The following GNAL variants were observed in gnomAD, a reference collection of about 807,000 sequenced individuals.
GNAL encodes the protein G protein subunit alpha L, also known as guanine nucleotide-binding protein G(olf) subunit alpha.
Under a neutral mutation model 55.1 loss-of-function variants are expected in GNAL, and 18 were observed. That is an observed-to-expected ratio of 0.33 (90% CI 0.23 to 0.48). The LOEUF is 0.48. Ranked by LOEUF, GNAL falls within the 20% of genes least tolerant of loss-of-function variation. The pLI is 0.99. For synonymous variants in GNAL, 253 were observed against 237.0 expected, an observed-to-expected ratio of 1.07 and a Z score of -0.62; for missense variants, 412 against 614.1, an observed-to-expected ratio of 0.67 and a Z score of 3.48.
rs764652193 is a variant in GNAL at position 11,884,413 on chromosome 18, TG to T, written c.*3281del. The T allele has an allele frequency of 1.7e-4, 272 of 1,602,998 alleles. No individual in the cohort carries two copies. Among genetic ancestry groups the T allele is most frequent in the Non-Finnish European group, 2.2e-4 (256 of 1,172,098 alleles). On this transcript the variant is annotated 3_prime_UTR_variant, in exon 12 of 12. Transcript: ENST00000334049. ...GATCTCTGCCCAAAGTTCCATTTCT[TG>T]GGCTTTGATATTTATAATGGCGCCT...
intron 5 of GNAL, among the ~76,000 whole-genome samples, chr18:11,846,920 G>A (rs2035753133): frequency 6.6e-6 from 1 of 151,988 alleles, no homozygotes; most frequent in African/African-American, 2.4e-5. Flanking sequence ...AGGAGTCTCA[G>A]CGTTTTTAAT....
chr18:11,812,874 A>G (rs1387576034), intron 4 of GNAL, among the ~76,000 whole-genome samples: 2 of 152,098 alleles, frequency 1.3e-5, no homozygotes, highest in African/African-American at 2.4e-5. Context: ...AATAACATCC[A>G]AAAAAGTTTA....
chr18:11,708,707 C>T (rs1486373287), intron 1 of GNAL, among the ~76,000 whole-genome samples: 1 of 152,166 alleles, frequency 6.6e-6, no homozygotes, highest in African/African-American at 2.4e-5. Context: ...AAACAAGGTA[C>T]ACCTTTATGT....
intron 5 of GNAL, among the ~76,000 whole-genome samples, chr18:11,860,564 G>C (rs1473286481): frequency 6.6e-6 from 1 of 152,124 alleles, no homozygotes; most frequent in Non-Finnish European, 1.5e-5. Context: ...ATGCACACGG[G>C]AACTTTCATA....
chr18:11,877,327 C>G (rs189297661), intron 11 of GNAL, among the ~76,000 whole-genome samples: 1 of 152,008 alleles, frequency 6.6e-6, no homozygotes, highest in South Asian at 2.1e-4. Context: ...TGGTGGCATG[C>G]GCCTGTAATC....
At chr18:11,770,414 C>A (rs1598442888) in intron 4 of GNAL, among the ~76,000 whole-genome samples, 1 of 152,134 alleles carries the variant, frequency 6.6e-6, no homozygotes, top group African/African-American at 2.4e-5. Context: ...AACATATTTT[C>A]TCTTAATTTT....
intron 1 of GNAL, among the ~76,000 whole-genome samples, chr18:11,697,349 C>G (rs1201998370): frequency 6.6e-6 from 1 of 151,994 alleles, no homozygotes; most frequent in Non-Finnish European, 1.5e-5. Flanking sequence ...ACCAGCCTGG[C>G]CAACATGGTG....
intron 1 of GNAL, among the ~76,000 whole-genome samples, chr18:11,737,085 AT>A (rs2032478038): frequency 1.3e-5 from 2 of 152,226 alleles, no homozygotes; most frequent in Admixed American, 6.5e-5. Context: ...AATTATTTCA[AT>A]TTTTTTAAAT....
chr18:11,708,190 A>G (rs1055748185), intron 1 of GNAL, among the ~76,000 whole-genome samples: 5 of 152,216 alleles, frequency 3.3e-5, no homozygotes, highest in African/African-American at 1.2e-4. Flanking sequence ...GGCTTTTGAC[A>G]TGCCTTCCTC....
chr18:11,845,159 C>G (rs1327047741), intron 5 of GNAL, among the ~76,000 whole-genome samples: 3 of 152,166 alleles, frequency 2.0e-5, no homozygotes, highest in Admixed American at 1.3e-4. Context: ...CCACCACGCC[C>G]AGCCTCGCTA....
intron 5 of GNAL, among the ~76,000 whole-genome samples, chr18:11,830,797 A>G (rs1462226755): frequency 2.0e-5 from 3 of 152,262 alleles, no homozygotes; most frequent in Non-Finnish European, 4.4e-5. Flanking sequence ...CTCGGCAATG[A>G]AAAGGAATAA....
chr18:11,853,261 A>G (rs1312462928), intron 5 of GNAL: 1 of 167,154 alleles, frequency 6.0e-6, no homozygotes, highest in East Asian at 1.9e-4. Flanking sequence ...TCTGAGAAGT[A>G]AAGAGGTAGG....
chr18:11,751,773 C>A lies in GNAL; in HGVS notation c.377-1080C>A. Reference sequence around the variant, plus strand: ...CCTGACCCCTACAGCGCGGTAGCGCCTCTCCGAGAGCTCCGGGACCAGCGG... The same window carrying A: ...CCTGACCCCTACAGCGCGGTAGCGCATCTCCGAGAGCTCCGGGACCAGCGG... On this transcript the variant is annotated intron_variant, in intron 1 of 11. Transcript: ENST00000334049. The surrounding 1 kb of genome is among the most constrained non-coding windows in gnomAD (Gnocchi z 4.5). 1 of 538,346 alleles carries A rather than the reference C, an allele frequency of 1.9e-6. No individual in the cohort carries two copies. Among genetic ancestry groups the A allele is most frequent in the Non-Finnish European group, 2.4e-6 (1 of 420,912 alleles). 33.3% of individuals were successfully genotyped at this position (538,346 alleles called of 1,614,324 possible).
intron 4 of GNAL, among the ~76,000 whole-genome samples, chr18:11,818,091 G>A (rs1453483357): frequency 6.6e-6 from 1 of 151,856 alleles, no homozygotes; most frequent in Non-Finnish European, 1.5e-5. Context: ...AAATTAGCCG[G>A]GTGTGGTGGC....
intron 5 of GNAL, among the ~76,000 whole-genome samples, chr18:11,858,373 T>G (rs1336903750): frequency 6.6e-6 from 1 of 152,230 alleles, no homozygotes; most frequent in African/African-American, 2.4e-5. Context: ...ATCTAATAGT[T>G]GGAGTGAATA....
chr18:11,814,182 A>C (rs184634480), intron 4 of GNAL, among the ~76,000 whole-genome samples: 46 of 152,328 alleles, frequency 3.0e-4, no homozygotes, highest in African/African-American at 1.1e-3. Context: ...CTAAAAGAAA[A>C]AAATGGATTA....
intron 1 of GNAL, among the ~76,000 whole-genome samples, chr18:11,742,762 C>T (rs2032605978): frequency 6.6e-6 from 1 of 152,222 alleles, no homozygotes; most frequent in Admixed American, 6.5e-5. Context: ...TCGGATGCCG[C>T]TCCCATGATG....
chr18:11,831,672 C>T (rs79683426), intron 5 of GNAL, among the ~76,000 whole-genome samples: 5 of 152,346 alleles, frequency 3.3e-5, no homozygotes, highest in African/African-American at 7.2e-5. Flanking sequence ...TTACTCCACT[C>T]GTACCTTGTC....
intron 5 of GNAL, 143 bp downstream of exon 5, chr18:11,825,158 G>A: frequency 1.7e-6 from 1 of 603,310 alleles, no homozygotes; most frequent in Admixed American, 3.5e-5. Flanking sequence ...CTTTTAAAAT[G>A]AGACATGTTT....
Sources: gnomAD v4.1 joint callset for allele counts (sites outside exome capture counted in the v4.1 genomes callset) on GRCh38, gnomAD v4.1.1 for gene constraint, Gnocchi (gnomAD v3.1) non-coding constraint, MANE v1.5 for transcripts, NCBI Gene and HGNC (gene_info 2026-07-23, HGNC 2026-07-21) for gene names.